CSMD1: variants seen among roughly 807,000 people sequenced by gnomAD.
CSMD1 encodes the protein CUB and sushi domain-containing protein 1.
Under a neutral mutation model 417.5 loss-of-function variants are expected in CSMD1, and 213 were observed. That is an observed-to-expected ratio of 0.51 (90% confidence interval 0.46 to 0.57). CSMD1 has a LOEUF of 0.57. CSMD1 is among the 20% of genes least tolerant of loss of function. The pLI, the probability that CSMD1 is intolerant of heterozygous loss-of-function variation, is 0.00. For synonymous variants in CSMD1, 2,862 were observed against 1,736.8 expected, an observed-to-expected ratio of 1.65 and a Z score of -16.11; for missense variants, 6,923 against 4,529.7, an observed-to-expected ratio of 1.53 and a Z score of -15.17.
chr8:4,833,531 T>C (rs1052148006), intron 1 of CSMD1, among the ~76,000 whole-genome samples: 5 of 152,210 alleles, frequency 3.3e-5, no homozygotes, highest in African/African-American at 1.2e-4. Flanking sequence ...TATCACCCAC[T>C]AACAGTTGCT....
chr8:3,210,503 T>C (rs1456743576), intron 30 of CSMD1, among the ~76,000 whole-genome samples: 1 of 34,110 alleles, frequency 2.9e-5, no homozygotes, highest in Non-Finnish European at 6.0e-5. Flanking sequence ...TATATGTATA[T>C]ATCCTATATA....
intron 5 of CSMD1, among the ~76,000 whole-genome samples, chr8:3,889,452 C>CATATATATAT (rs1171842639): frequency 9.0e-4 from 41 of 45,398 alleles, no homozygotes; most frequent in African/African-American, 2.1e-3. Flanking sequence ...CTGATCTTTC[C>CATATATATAT]ATATATATAT....
intron 6 of CSMD1, among the ~76,000 whole-genome samples, chr8:3,718,724 C>T (rs751466192): frequency 6.6e-6 from 1 of 152,130 alleles, no homozygotes; most frequent in African/African-American, 2.4e-5. Context: ...GCATAAGATG[C>T]TTTACTGGAA....
intron 3 of CSMD1, among the ~76,000 whole-genome samples, chr8:4,403,544 G>T (rs960058643): frequency 6.6e-6 from 1 of 152,240 alleles, no homozygotes; most frequent in East Asian, 1.9e-4. Context: ...CGCCAGGGCT[G>T]ATCACCTCTT....
At chr8:4,390,216 G>C (rs1585000953) in intron 3 of CSMD1, among the ~76,000 whole-genome samples, 2 of 152,068 alleles carry the variant, frequency 1.3e-5, no homozygotes, top group African/African-American at 2.4e-5. Context: ...TGACCAGTCA[G>C]GTTTCCTCTT....
At chr8:4,388,958 C>G (rs892345300) in intron 3 of CSMD1, among the ~76,000 whole-genome samples, 1 of 152,180 alleles carries the variant, frequency 6.6e-6, no homozygotes, top group Non-Finnish European at 1.5e-5. Flanking sequence ...CTCTACGTCT[C>G]TTACCTCACA....
rs2720802 is a variant in CSMD1, at chr8:3,723,134, T to C, written c.932-14643A>G. On this transcript the variant is annotated intron_variant, in intron 6 of 69. Transcript: ENST00000635120. ...TTATTGGTGAAGTCCAATTCGGTGGTTCTAGGACTGAGGTTCCCATCTTCT... is the reference window on the plus strand; with the variant it reads ...TTATTGGTGAAGTCCAATTCGGTGGCTCTAGGACTGAGGTTCCCATCTTCT... Among the ~76,000 whole-genome samples, 673 of 152,192 alleles carry C rather than the reference T, an allele frequency of 4.4e-3. 13 individuals are homozygous for C. The East Asian group carries it at 0.07, about 16-fold the overall frequency.
chr8:4,966,222 A>AG (rs1453979787), intron 1 of CSMD1, among the ~76,000 whole-genome samples: 3 of 150,848 alleles, frequency 2.0e-5, no homozygotes, highest in African/African-American at 7.3e-5. Flanking sequence ...AAAAAAAAAA[A>AG]AAAAAAATTA....
intron 27 of CSMD1, among the ~76,000 whole-genome samples, chr8:3,227,326 G>A (rs368347956): frequency 0.016 from 6 of 386 alleles, no homozygotes; most frequent in Non-Finnish European, 0.077. Flanking sequence ...ACTGGAACAC[G>A]GAAGGAGGTT....
At chr8:3,770,212 T>A (rs1351321796) in intron 5 of CSMD1, among the ~76,000 whole-genome samples, 1 of 152,172 alleles carries the variant, frequency 6.6e-6, no homozygotes, top group Non-Finnish European at 1.5e-5. Flanking sequence ...TTTCTACACA[T>A]GGCTTCTTTC....
At chr8:3,247,198 G>C (rs1044693411) in intron 26 of CSMD1, among the ~76,000 whole-genome samples, 6 of 152,126 alleles carry the variant, frequency 3.9e-5, no homozygotes, top group African/African-American at 1.4e-4. Context: ...CATGTGATTT[G>C]ATATGTAAAA....
At position 3,813,501 on chromosome 8, in the gene CSMD1, A is replaced by G. The variant is rs535869592; in HGVS notation, c.819-59459T>C. ...TTGGACTTTTATGTGCATTAAAAGA[A>G]GGGCTGGCGTGAATATGAAGACTGA... On this transcript the variant is annotated intron_variant, in intron 5 of 69. Transcript: ENST00000635120. Among the ~76,000 whole-genome samples, 3 of 152,318 alleles carry G rather than the reference A, an allele frequency of 2.0e-5. No homozygotes were observed. In the South Asian group the frequency reaches 6.2e-4, roughly 32 times the overall value.
chr8:3,992,932 C>T (rs564943188), intron 5 of CSMD1, among the ~76,000 whole-genome samples: 1 of 152,216 alleles, frequency 6.6e-6, no homozygotes, highest in South Asian at 2.1e-4. Context: ...GAATTGTTAA[C>T]ATGGGATAGG....
chr8:3,734,124 T>A (rs1217411222), intron 6 of CSMD1, among the ~76,000 whole-genome samples: 1 of 152,202 alleles, frequency 6.6e-6, no homozygotes, highest in Admixed American at 6.5e-5. Flanking sequence ...TAATACTTAA[T>A]AAAGATATTT....
At position 4,794,239 on chromosome 8, in the gene CSMD1, G is replaced by C. The variant is rs1206564579; in HGVS notation, c.86-156681C>G. ...ATCATTTTTATCACACTTTTTGTCAGTAATATTTTGAAAAATCCCACATTG... is the reference window on the plus strand; with the variant it reads ...ATCATTTTTATCACACTTTTTGTCACTAATATTTTGAAAAATCCCACATTG... On this transcript the variant is annotated intron_variant, in intron 1 of 69. Coordinates refer to ENST00000635120, the MANE Select transcript of CSMD1 (RefSeq NM_033225.6). Among the ~76,000 whole-genome samples the C allele has an allele frequency of 4.3e-5, 3 of 70,512 alleles. No individual in the cohort carries two copies. The East Asian group carries it at 1.0e-3, about 25-fold the overall frequency. 46.3% of individuals were successfully genotyped at this position (70,512 alleles called of 152,430 possible). A position where few individuals can be genotyped will look rare whatever the true frequency, so the allele number is the denominator to read the frequency against.
chr8:4,039,151 G>A (rs1239314534), intron 3 of CSMD1, among the ~76,000 whole-genome samples: 1 of 152,174 alleles, frequency 6.6e-6, no homozygotes, highest in Admixed American at 6.5e-5. Flanking sequence ...AACAGCATGT[G>A]TACAATCAGT....
intron 6 of CSMD1, among the ~76,000 whole-genome samples, chr8:3,732,160 G>C (rs1385243705): frequency 1.3e-5 from 2 of 152,202 alleles, no homozygotes; most frequent in Non-Finnish European, 1.5e-5. Context: ...CCTGAGTTCA[G>C]GTCACTCGTG....
chr8:3,490,346 C>T (rs906228054), intron 11 of CSMD1, among the ~76,000 whole-genome samples: 2 of 152,126 alleles, frequency 1.3e-5, no homozygotes, highest in Non-Finnish European at 2.9e-5. Flanking sequence ...CAATTGCTTT[C>T]TTAACAACAA....
chr8:4,659,758 G>T (rs984355397), intron 1 of CSMD1, among the ~76,000 whole-genome samples: 1 of 151,992 alleles, frequency 6.6e-6, no homozygotes, highest in Non-Finnish European at 1.5e-5. Context: ...TGACGCCTCG[G>T]ATTTGTTCCT....
Sources: allele counts gnomAD v4.1 joint callset (sites outside exome capture counted in the v4.1 genomes callset), GRCh38; gene constraint gnomAD v4.1.1; transcripts MANE v1.5; gene names NCBI Gene and HGNC (gene_info 2026-07-23, HGNC 2026-07-21).